Variants in ASTN2 observed in about 807,000 individuals in gnomAD.
ASTN2 encodes astrotactin-2.
Under a neutral mutation model 139.8 loss-of-function variants are expected in ASTN2, and 54 were observed. The ratio of observed to expected loss-of-function variants is 0.39; its 90% CI spans 0.31 to 0.48. The LOEUF (loss-of-function observed/expected upper bound fraction) is 0.48, where lower values mean the gene tolerates loss of function less well. ASTN2 is among the 20% of genes least tolerant of loss of function. The pLI is 0.95. For synonymous variants in ASTN2, 756 were observed against 719.5 expected (o/e 1.05, Z -0.81); for missense variants, 1,565 against 1,725.1 (o/e 0.91, Z 1.64).
chr9:116,425,435 G>A lies in ASTN2; in HGVS notation c.*416C>T. On this transcript the variant is annotated 3_prime_UTR_variant, in exon 23 of 23. Coordinates refer to ENST00000313400, the MANE Select transcript of ASTN2 (RefSeq NM_001365068.1). Reference sequence around the variant, plus strand: ...AGAGGTCAAAACTGTCTCCTCTAGGGGTCAGGTCAAAACTGTCCCTCCATA... The same window carrying A: ...AGAGGTCAAAACTGTCTCCTCTAGGAGTCAGGTCAAAACTGTCCCTCCATA... 2 of 829,362 alleles carry A rather than the reference G, an allele frequency of 2.4e-6. No individual in the cohort carries two copies. Among genetic ancestry groups the A allele is most frequent in the Non-Finnish European group, 2.0e-6 (1 of 509,954 alleles). The allele number at this position is 829,362 out of a possible 1,614,324, so 51.4% of individuals were successfully genotyped here.
chr9:116,471,242 C>T (rs971140805), intron 20 of ASTN2, among the ~76,000 whole-genome samples: 1 of 152,052 alleles, frequency 6.6e-6, no homozygotes, highest in Non-Finnish European at 1.5e-5. Context: ...GACAGGCCTG[C>T]GATAAGGGTG....
At chr9:117,144,795 C>T (rs1830157469) in intron 3 of ASTN2, among the ~76,000 whole-genome samples, 1 of 149,382 alleles carries the variant, frequency 6.7e-6, no homozygotes, top group Non-Finnish European at 1.5e-5. Context: ...AATTCTTATG[C>T]CCCAGCCTCC....
At chr9:116,749,184 A>AC (rs1829332887) in intron 13 of ASTN2, among the ~76,000 whole-genome samples, 1 of 152,368 alleles carries the variant, frequency 6.6e-6, no homozygotes, top group Non-Finnish European at 1.5e-5. Flanking sequence ...GCTTAGCAGA[A>AC]GACCTGAAAA....
At chr9:117,286,805 C>A (rs938307184) in intron 2 of ASTN2, among the ~76,000 whole-genome samples, 1 of 152,178 alleles carries the variant, frequency 6.6e-6, no homozygotes, top group South Asian at 2.1e-4. Flanking sequence ...GGAGTGAATA[C>A]TCTATAAAAT....
chr9:116,941,561 T>C (rs1335180121), intron 10 of ASTN2, among the ~76,000 whole-genome samples: 1 of 137,814 alleles, frequency 7.3e-6, no homozygotes, highest in Admixed American at 7.4e-5. Context: ...ACCCCCCACA[T>C]CATGGAAGAC....
intron 1 of ASTN2, among the ~76,000 whole-genome samples, chr9:117,314,384 C>T (rs568944022): frequency 2.7e-4 from 41 of 152,084 alleles, no homozygotes; most frequent in African/African-American, 9.2e-4. Flanking sequence ...GGAACACTTC[C>T]GAAAGCAAGT....
chr9:117,144,385 T>A (rs1830143021), intron 3 of ASTN2, among the ~76,000 whole-genome samples: 1 of 152,176 alleles, frequency 6.6e-6, no homozygotes, highest in African/African-American at 2.4e-5. Context: ...GATGTTTGAA[T>A]GTTATTCTCT....
At chr9:117,344,474 G>C (rs1829155583) in intron 1 of ASTN2, among the ~76,000 whole-genome samples, 1 of 152,120 alleles carries the variant, frequency 6.6e-6, no homozygotes, top group Non-Finnish European at 1.5e-5. Context: ...TTAACGCTCA[G>C]TACCACAAAC....
chr9:117,047,779 A>T (rs1398945335), intron 5 of ASTN2, among the ~76,000 whole-genome samples: 3 of 152,096 alleles, frequency 2.0e-5, no homozygotes, highest in Non-Finnish European at 4.4e-5. Flanking sequence ...GAGTCCTTTT[A>T]TTGTACTTTG....
intron 11 of ASTN2, among the ~76,000 whole-genome samples, chr9:116,852,828 T>G (rs1434149834): frequency 6.6e-6 from 1 of 151,276 alleles, no homozygotes; most frequent in Non-Finnish European, 1.5e-5. Context: ...ATAGCTCTTG[T>G]GCTCTTTAGC....
At chr9:116,458,926 A>G (rs13292335) in intron 20 of ASTN2, among the ~76,000 whole-genome samples, 23,667 of 151,990 alleles carry the variant, frequency 0.16, 2,282 homozygotes, top group Middle Eastern at 0.24. Flanking sequence ...TCACATGGAA[A>G]TGAAAGGCAT....
intron 16 of ASTN2, among the ~76,000 whole-genome samples, chr9:116,704,811 T>A (rs975746638): frequency 2.6e-5 from 4 of 152,004 alleles, no homozygotes; most frequent in African/African-American, 9.7e-5. Context: ...AATCATTTGA[T>A]TAAAGTAATT....
intron 2 of ASTN2, among the ~76,000 whole-genome samples, chr9:117,260,068 C>T (rs1027272122): frequency 2.6e-5 from 4 of 152,064 alleles, no homozygotes; most frequent in Admixed American, 6.6e-5. Flanking sequence ...TGTCATCTCC[C>T]TTTTTCCCCA....
chr9:116,731,643 C>T (rs1187183579), intron 14 of ASTN2, among the ~76,000 whole-genome samples: 1 of 152,100 alleles, frequency 6.6e-6, no homozygotes, highest in Non-Finnish European at 1.5e-5. Flanking sequence ...AGGCTGGTCT[C>T]AAACTCCTGA....
chr9:116,485,778 A>G (rs985471565), intron 20 of ASTN2, among the ~76,000 whole-genome samples: 1 of 152,218 alleles, frequency 6.6e-6, no homozygotes, highest in Admixed American at 6.5e-5. Flanking sequence ...CCAACATCTA[A>G]GAGATAGTCA....
intron 5 of ASTN2, among the ~76,000 whole-genome samples, chr9:117,040,952 C>T (rs1284730586): frequency 6.6e-6 from 1 of 152,146 alleles, no homozygotes; most frequent in Admixed American, 6.5e-5. Context: ...AATCTTTCCT[C>T]TTCAGGATTT....
chr9:117,319,906 C>T (rs1010076191), intron 1 of ASTN2, among the ~76,000 whole-genome samples: 1 of 152,164 alleles, frequency 6.6e-6, no homozygotes. Context: ...TTCCCAACCC[C>T]TTAATTTCTC....
chr9:116,795,347 G>C (rs939633104), intron 13 of ASTN2, among the ~76,000 whole-genome samples: 1 of 152,248 alleles, frequency 6.6e-6, no homozygotes, highest in African/African-American at 2.4e-5. Context: ...TTTTGGATCT[G>C]GGCCCAGGCC....
At chr9:116,710,914 A>G (rs2132095443) in intron 16 of ASTN2, among the ~76,000 whole-genome samples, 1 of 152,294 alleles carries the variant, frequency 6.6e-6, no homozygotes, top group Admixed American at 6.5e-5. Flanking sequence ...GACACATTTA[A>G]TGATTCTGTA....
Sources: gnomAD v4.1 joint callset for allele counts (sites outside exome capture counted in the v4.1 genomes callset) on GRCh38, gnomAD v4.1.1 for gene constraint, MANE v1.5 for transcripts, NCBI Gene and HGNC (gene_info 2026-07-23, HGNC 2026-07-21) for gene names.